CLEC19A: variants seen among roughly 807,000 people sequenced by gnomAD.
The protein encoded by CLEC19A is C-type lectin domain family 19 member A.
Under a neutral mutation model 26.1 loss-of-function variants are expected in CLEC19A, and 21 were observed. The observed-to-expected ratio is 0.80, with a 90% CI of 0.57 to 1.16. The LOEUF (loss-of-function observed/expected upper bound fraction) is 1.16. CLEC19A is among the 50% of genes most tolerant of loss of function. The pLI, the probability that CLEC19A is intolerant of heterozygous loss-of-function variation, is 0.00. For missense variants in CLEC19A, 224 were observed against 227.6 expected (o/e 0.98, Z 0.10); for synonymous variants, 89 against 88.6 (o/e 1.00, Z -0.03).
At chr16:19,303,910 T>C in intron 2 of CLEC19A, 152 bp from the exon 3 acceptor site, 1 of 615,412 alleles carries the variant, frequency 1.6e-6, no homozygotes, top group Non-Finnish European at 2.8e-6. Flanking sequence ...CGGCCACATA[T>C]GGGTGACTTA....
intron 1 of CLEC19A, among the ~76,000 whole-genome samples, chr16:19,289,778 C>T (rs1015761085): frequency 6.6e-6 from 1 of 152,226 alleles, no homozygotes; most frequent in Non-Finnish European, 1.5e-5. Context: ...TAGGAGAGAC[C>T]TGGTGCCACC....
At chr16:19,295,421 T>C (rs1240481342) in intron 1 of CLEC19A, among the ~76,000 whole-genome samples, 3 of 152,160 alleles carry the variant, frequency 2.0e-5, no homozygotes, top group Non-Finnish European at 2.9e-5. Context: ...CAGTCTAGTC[T>C]TGAACTCCTG....
chr16:19,292,672 A>G (rs188831974), intron 1 of CLEC19A, among the ~76,000 whole-genome samples: 70 of 152,346 alleles, frequency 4.6e-4, no homozygotes, highest in Admixed American at 3.5e-3. Context: ...GGGCTCTAAA[A>G]GCATTTATCA....
chr16:19,306,630 C>A (rs1897961607), intron 3 of CLEC19A, among the ~76,000 whole-genome samples: 1 of 151,920 alleles, frequency 6.6e-6, no homozygotes, highest in Admixed American at 6.6e-5. Context: ...AAGAAAATGC[C>A]TTTTCTTCTT....
At chr16:19,297,843 C>G (rs1490284916) in intron 1 of CLEC19A, among the ~76,000 whole-genome samples, 3 of 152,032 alleles carry the variant, frequency 2.0e-5, no homozygotes, top group Non-Finnish European at 4.4e-5. Context: ...CTATGATGTG[C>G]ACATATTATT....
chr16:19,307,466 T>A, intron 3 of CLEC19A, 79 bp from the exon 4 acceptor site: 2 of 1,511,028 alleles, frequency 1.3e-6, no homozygotes. Context: ...CTAAGACGTC[T>A]GAGCTGGAGC....
chr16:19,294,367 G>A (rs1897659264), intron 1 of CLEC19A, among the ~76,000 whole-genome samples: 1 of 152,224 alleles, frequency 6.6e-6, no homozygotes, highest in African/African-American at 2.4e-5. Context: ...AGCAAAGCAA[G>A]CATATTGCTC....
chr16:19,306,144 AT>A (rs148679009), intron 3 of CLEC19A, among the ~76,000 whole-genome samples: 20,430 of 124,244 alleles, frequency 0.16, 2,051 homozygotes, highest in East Asian at 0.4. Context: ...CGCCCGGCCT[AT>A]TTTTTTTTTT....
chr16:19,302,775 C>T (rs1413123315), intron 2 of CLEC19A, among the ~76,000 whole-genome samples: 7 of 152,158 alleles, frequency 4.6e-5, no homozygotes, highest in Non-Finnish European at 8.8e-5. Flanking sequence ...TTGATATGGG[C>T]CCTGGATGAG....
In CLEC19A at chr16:19,307,681, G is replaced by T. The variant is rs1422410946; in HGVS notation, c.481+4G>T. 2 of 1,547,978 alleles carry T rather than the reference G, an allele frequency of 1.3e-6. No homozygotes were observed. The highest frequency in any genetic ancestry group is 1.2e-5 in the South Asian group (1 of 83,954). ...ATATGGTACAGGCCTACCAGTGGTG[G>T]GTACCCCTGAGACCAAGGCTCTTGC... On this transcript the variant is annotated splice_donor_region_variant and intron_variant, in intron 4 of 4. Coordinates refer to ENST00000636231, the MANE Select transcript of CLEC19A (RefSeq NM_001256720.2).
At position 19,310,432 on chromosome 16, in the gene CLEC19A, C is replaced by T. The variant is rs1898046525; in HGVS notation, c.*1349C>T. On this transcript the variant is annotated 3_prime_UTR_variant, in exon 5 of 5. Transcript: ENST00000636231. Reference sequence around the variant, plus strand: ...GCTGCAATGGACCATGATTGTGCTTCTGCACTCCAGCCTGGGTGACAGAGC... The same window carrying T: ...GCTGCAATGGACCATGATTGTGCTTTTGCACTCCAGCCTGGGTGACAGAGC... The T allele has an allele frequency of 6.6e-6, 1 of 152,408 alleles. No individual in the cohort carries two copies. The highest frequency in any genetic ancestry group is 1.5e-5 in the Non-Finnish European group (1 of 68,090). The allele number at this position is 152,408 out of a possible 1,614,324, so 9.4% of individuals were successfully genotyped here.
intron 1 of CLEC19A, among the ~76,000 whole-genome samples, chr16:19,289,736 AG>A (rs1473547131): frequency 6.6e-6 from 1 of 152,184 alleles, no homozygotes; most frequent in Non-Finnish European, 1.5e-5. Context: ...TGGCCTCAGG[AG>A]TGGCTCACAG....
At chr16:19,303,158 A>C (rs1897871162) in intron 2 of CLEC19A, among the ~76,000 whole-genome samples, 1 of 152,170 alleles carries the variant, frequency 6.6e-6, no homozygotes, top group Admixed American at 6.5e-5. Context: ...CACTTAAGAC[A>C]CTCAGCACAG....
chr16:19,301,735 G>GT lies in CLEC19A; in HGVS notation c.255-2327_255-2326insT, dbSNP rs750529291. On this transcript the variant is annotated intron_variant, in intron 2 of 4. Transcript: ENST00000636231. ...CATGACACCATGCCCAGGTTTTTTT[G>GT]GTTTTTTTTTTTTTTTTTTTTTTTT... Among the ~76,000 whole-genome samples the GT allele has an allele frequency of 5.3e-3, 186 of 35,112 alleles. 8 individuals are homozygous for GT. Among genetic ancestry groups the GT allele is most frequent in the East Asian group, 0.022 (40 of 1,858 alleles). The allele number at this position is 35,112 out of a possible 152,430, so 23.0% of individuals were successfully genotyped here.
rs1346785457 is a variant in CLEC19A at position 19,309,364 on chromosome 16, C to T, written c.*281C>T. On this transcript the variant is annotated 3_prime_UTR_variant, in exon 5 of 5. Transcript: ENST00000636231. ...CTGATTCAGAGTTGAATCTCACTGGCCTGGCTCGGGTCACGTGCCCATCCC... is the reference window on the plus strand; with the variant it reads ...CTGATTCAGAGTTGAATCTCACTGGTCTGGCTCGGGTCACGTGCCCATCCC... The T allele has an allele frequency of 6.1e-6, 2 of 326,540 alleles. No individual in the cohort carries two copies. The highest frequency in any genetic ancestry group is 1.1e-5 in the Non-Finnish European group (2 of 175,522). 20.2% of individuals were successfully genotyped at this position (326,540 alleles called of 1,614,324 possible).
In CLEC19A at chr16:19,307,621, T is replaced by C; in HGVS notation, c.425T>C (p.Val142Ala). ...YWDGSQPDDG[V>A]HADPEEEDCV... The stretch of plus-strand genomic sequence containing the variant: ...GATGGCAGCCAGCCAGATGATGGCG[T>C]CCACGCGGACCCAGAAGAAGAGGAC... Residue 142 changes from valine (V) to alanine (A), a missense_variant, in exon 4 of 5, where the codon GTC (valine) becomes GCC (alanine). Val to Ala is a moderately conservative substitution (Grantham distance 64). Transcript: ENST00000636231. 5.2e-6 allele frequency: 8 copies of C among 1,548,304 alleles called. No individual in the cohort carries two copies. Among genetic ancestry groups the C allele is most frequent in the Non-Finnish European group, 7.0e-6 (8 of 1,146,812 alleles).
intron 3 of CLEC19A, chr16:19,305,076 C>G (rs1190686311): frequency 6.6e-6 from 1 of 152,410 alleles, no homozygotes; most frequent in African/African-American, 2.4e-5. Context: ...TCCAAAGAGG[C>G]AGAGGCATGT....
At chr16:19,289,799 C>T (rs531671657) in intron 1 of CLEC19A, among the ~76,000 whole-genome samples, 1 of 152,352 alleles carries the variant, frequency 6.6e-6, no homozygotes, top group East Asian at 1.9e-4. Context: ...AGTTCCGCTT[C>T]CCAGAGCCAG....
At chr16:19,292,976 A>C (rs886072510) in intron 1 of CLEC19A, among the ~76,000 whole-genome samples, 3 of 152,184 alleles carry the variant, frequency 2.0e-5, no homozygotes, top group African/African-American at 7.2e-5. Context: ...AGGTGAGACA[A>C]AGCAGGAAGA....
Sources: gnomAD v4.1 joint callset for allele counts (sites outside exome capture counted in the v4.1 genomes callset) on GRCh38, gnomAD v4.1.1 for gene constraint, MANE v1.5 for transcripts, NCBI Gene and HGNC (gene_info 2026-07-23, HGNC 2026-07-21) for gene names.